APC2: variants seen among roughly 807,000 people sequenced by gnomAD.
APC2 encodes adenomatous polyposis coli protein 2.
APC2 carries 41 observed loss-of-function variants against 72.5 expected under a neutral mutation model. That is an observed-to-expected ratio of 0.57 (90% CI 0.44 to 0.73). APC2 has a LOEUF of 0.73. APC2 is among the 30% of genes least tolerant of loss of function. The pLI, the probability that APC2 is intolerant of heterozygous loss-of-function variation, is 0.00. For missense variants in APC2, 3,729 were observed against 3,403.4 expected, an observed-to-expected ratio of 1.10 and a Z score of -2.38; for synonymous variants, 1,898 against 1,612.0, an observed-to-expected ratio of 1.18 and a Z score of -4.25.
At chr19:1,455,604 C>T in intron 6 of APC2, 104 bp downstream of exon 6, 1 of 1,120,848 alleles carries the variant, frequency 8.9e-7, no homozygotes, top group Non-Finnish European at 1.3e-6. Context: ...TGGGAGGAGT[C>T]TTATGCCTCC....
At chr19:1,460,607 CCT>C (rs138786019) in intron 11 of APC2, among the ~76,000 whole-genome samples, 171 bp from the exon 12 acceptor site, 1,663 of 152,358 alleles carry the variant, frequency 0.011, 24 homozygotes, top group African/African-American at 0.038. Context: ...GGTGTCTGCC[CCT>C]GTCTGGGCCT....
In APC2 at chr19:1,465,638, C is replaced by G. The variant is rs1416374774; in HGVS notation, c.2337C>G (p.Asp779Glu). 1 of 1,603,346 alleles carries G rather than the reference C, an allele frequency of 6.2e-7. No individual in the cohort carries two copies. The highest frequency in any genetic ancestry group is 8.5e-7 in the Non-Finnish European group (1 of 1,175,968). Residue 779 changes from aspartate to glutamate, a missense_variant, in exon 15 of 15, where the codon GAC becomes GAG. Transcript: ENST00000590469. ...QDYASDSGCF[D>E]DDDAPSSLAA... is the part of the protein sequence containing the mutation. ...ATGCTTCCGATTCGGGCTGCTTTGA[C>G]GACGACGATGCACCGTCATCCCTGG...
At chr19:1,446,675 G>A (rs1439760530), upstream of APC2, among the ~76,000 whole-genome samples, 1 of 152,132 alleles carries the variant, frequency 6.6e-6, no homozygotes, top group Non-Finnish European at 1.5e-5. The surrounding 1 kb of genome is among the most constrained non-coding windows in gnomAD (Gnocchi z 6.1). Flanking sequence ...TGCGCCAGCT[G>A]GGGCGGCGGG....
intron 10 of APC2, among the ~76,000 whole-genome samples, chr19:1,459,439 C>T (rs997907165): frequency 7.9e-5 from 12 of 152,214 alleles, no homozygotes; most frequent in African/African-American, 2.9e-4. Context: ...TGGGCTGACC[C>T]ACTTGTCCTC....
At chr19:1,465,101 G>T in intron 14 of APC2, 54 bp from the exon 15 acceptor site, 1 of 1,547,228 alleles carries the variant, frequency 6.5e-7, no homozygotes, top group Non-Finnish European at 8.7e-7. Context: ...CCCATCCTTC[G>T]GTGGGCAGGG....
intron 9 of APC2, 111 bp downstream of exon 9, chr19:1,457,354 G>A: frequency 2.1e-6 from 3 of 1,405,474 alleles, no homozygotes; most frequent in East Asian, 2.8e-5. Context: ...TCTGGCGTTG[G>A]AGGCTGCAGT....
rs780018629 is a variant in APC2, at chr19:1,455,387, T to C, written c.526T>C (p.Phe176Leu). The stretch of plus-strand genomic sequence containing the variant: ...CCCGCCCGCCTGCCTTTGCCAGCAG[T>C]TCTCGATGCAGATGGACCTGATCCG... Reference protein sequence around the residue: ...LDELPHVETQFSMQMDLIRQQ... With the variant: ...LDELPHVETQLSMQMDLIRQQ... The change falls in exon 6 of 15, where the codon TTC becomes CTC. Residue 176 changes from phenylalanine (F) to leucine (L), a missense_variant. Transcript: ENST00000590469. 7.5e-6 allele frequency: 12 copies of C among 1,608,676 alleles called. No homozygotes were observed. The highest frequency in any genetic ancestry group is 1.0e-5 in the Non-Finnish European group (12 of 1,178,102).
At chr19:1,463,950 G>A (rs1442419178) in intron 14 of APC2, among the ~76,000 whole-genome samples, 4 of 151,584 alleles carry the variant, frequency 2.6e-5, no homozygotes, top group African/African-American at 7.3e-5. Flanking sequence ...CGAGGTGGGC[G>A]GATCACCTGA....
intron 5 of APC2, 26 bp from the exon 6 acceptor site, chr19:1,455,337 CTGGCCCGGGCGCCCCTCACCG>C: frequency 6.3e-7 from 1 of 1,595,716 alleles, no homozygotes; most frequent in Non-Finnish European, 8.5e-7. Context: ...GGAACGGGGC[CTGGCCCGGGCGCCCCTCACCG>C]TGGCCCGCCC....
At chr19:1,463,591 A>G (rs561554428) in intron 14 of APC2, among the ~76,000 whole-genome samples, 2 of 151,476 alleles carry the variant, frequency 1.3e-5, no homozygotes, top group South Asian at 4.2e-4. Flanking sequence ...CAAAAAAAAA[A>G]AAAAAAGAAA....
intron 10 of APC2, 80 bp from the exon 11 acceptor site, chr19:1,460,101 T>C: frequency 6.3e-7 from 1 of 1,586,810 alleles, no homozygotes; most frequent in South Asian, 1.1e-5. Flanking sequence ...GGAGGGCCTC[T>C]GGGCAAGGGA....
In APC2 at chr19:1,468,691, C is replaced by A; in HGVS notation, c.5390C>A (p.Pro1797His). Residue 1797 changes from proline (P) to histidine (H), a missense_variant, in exon 15 of 15, where the codon CCC becomes CAC. By Grantham distance (77) the Pro-to-His change is moderately conservative. Transcript: ENST00000590469. ...CGGGGACGAACAGTGATCTACGTCC[C>A]CAGCCCGGCACCCCGTGCCCAGCCC... Reference protein sequence around the residue: ...VLRGRTVIYVPSPAPRAQPKG... With the variant: ...VLRGRTVIYVHSPAPRAQPKG... 1 of 1,553,606 alleles carries A rather than the reference C, an allele frequency of 6.4e-7. No individual in the cohort carries two copies. Among genetic ancestry groups the A allele is most frequent in the Non-Finnish European group, 8.7e-7 (1 of 1,144,310 alleles).
intron 1 of APC2, among the ~76,000 whole-genome samples, chr19:1,450,693 C>T (rs1315700241): frequency 1.3e-5 from 2 of 152,204 alleles, no homozygotes; most frequent in Non-Finnish European, 1.5e-5. Context: ...CCCCTTTGGG[C>T]CTGGCTTCCC....
rs774226533 is a variant in APC2, at chr19:1,469,096, T to C, written c.5795T>C (p.Phe1932Ser). 1 of 1,461,146 alleles carries C rather than the reference T, an allele frequency of 6.8e-7. No homozygotes were observed. The highest frequency in any genetic ancestry group is 9.1e-7 in the Non-Finnish European group (1 of 1,100,880). 90.5% of individuals were successfully genotyped at this position (1,461,146 alleles called of 1,614,324 possible). A position where few individuals can be genotyped will look rare whatever the true frequency, so the allele number is the denominator to read the frequency against. Residue 1932 changes from phenylalanine to serine, a missense_variant, in exon 15 of 15, where the codon TTC (phenylalanine) becomes TCC (serine). Transcript: ENST00000590469. ...CAGAGATCGCCCGTGCGGATCCCGT[T>C]CATGCAGAGGCCGGCCCGGCGTGGG... ...KTQRSPVRIP[F>S]MQRPARRGPP...
chr19:1,466,557 G>C lies in APC2; in HGVS notation c.3256G>C (p.Glu1086Gln), dbSNP rs1004951978. Residue 1086 changes from glutamate to glutamine, a missense_variant, in exon 15 of 15, where the codon GAG becomes CAG. Glu to Gln is a conservative substitution (Grantham distance 29). Transcript: ENST00000590469. ...LSSAGRPGPS[E>Q]GGDLDDSDSS... ...CTCGGCCGGCCGCCCAGGCCCCAGC[G>C]AGGGTGGTGACCTGGATGACAGTGA... The C allele has an allele frequency of 6.3e-7, 1 of 1,581,802 alleles. No homozygotes were observed. The highest frequency in any genetic ancestry group is 8.5e-7 in the Non-Finnish European group (1 of 1,171,868).
intron 13 of APC2, 24 bp from the exon 14 acceptor site, chr19:1,461,939 G>A (rs367639199): frequency 1.3e-5 from 17 of 1,311,378 alleles, no homozygotes; most frequent in South Asian, 3.5e-5. Context: ...GCCCTGACCC[G>A]CCCCTCTCCC....
rs1252895977 is a variant in APC2, at chr19:1,467,205, C to T, written c.3904C>T (p.Pro1302Ser). The change falls in exon 15 of 15, where the codon CCC becomes TCC. Residue 1302 changes from proline (P) to serine (S), a missense_variant. Pro to Ser is a moderately conservative substitution (Grantham distance 74). Coordinates refer to ENST00000590469, the MANE Select transcript of APC2 (RefSeq NM_005883.3). ...GCTGCGGCTGCTGCCCTCGGCCTGC[C>T]CCGAGCGCGGCGGGGGCGCCGGGGG... ...VELRLLPSAC[P>S]ERGGGAGGAG... The T allele has an allele frequency of 2.1e-6, 3 of 1,430,528 alleles. No individual in the cohort carries two copies. Among genetic ancestry groups the T allele is most frequent in the Non-Finnish European group, 2.7e-6 (3 of 1,098,772 alleles). 88.6% of individuals were successfully genotyped at this position (1,430,528 alleles called of 1,614,324 possible). A position where few individuals can be genotyped will look rare whatever the true frequency, so the allele number is the denominator to read the frequency against.
In APC2 at chr19:1,457,975, C is replaced by T. The variant is rs1277419176; in HGVS notation, c.1218C>T (p.Pro406=). The change falls in exon 10 of 15, where the codon CCC becomes CCT. Residue 406 remains proline, a synonymous_variant. Coordinates refer to ENST00000590469, the MANE Select transcript of APC2 (RefSeq NM_005883.3). ...TCCCTGTGCCCACAGCCCCGATCCC[C>T]ATCGAGCCGCAGATCTGCCAGGCCA... is the stretch of plus-strand genomic sequence containing the variant. The part of the protein sequence containing the change: ...EGGGAGSAPI[P]IEPQICQATC... 1.9e-6 allele frequency: 3 copies of T among 1,557,668 alleles called. No homozygotes were observed. The highest frequency in any genetic ancestry group is 2.6e-6 in the Non-Finnish European group (3 of 1,150,364).
In APC2 at chr19:1,452,945, C is replaced by T. The variant is rs928993881; in HGVS notation, c.-18-39C>T. 10 of 1,599,096 alleles carry T rather than the reference C, an allele frequency of 6.3e-6. No homozygotes were observed. Among genetic ancestry groups the T allele is most frequent in the East Asian group, 2.2e-5 (1 of 44,708 alleles). ...TCCGGAAGGCATCACCGCGCCCTCC[C>T]CAGACCATCAGCTGAACCCTCTGAC... On this transcript the variant is annotated intron_variant, in intron 1 of 14. Coordinates refer to ENST00000590469, the MANE Select transcript of APC2 (RefSeq NM_005883.3). This position sits in a 1 kb window ranked among gnomAD's most constrained non-coding sequence, Gnocchi z 5.1.
Sources: gnomAD v4.1 joint callset for allele counts (sites outside exome capture counted in the v4.1 genomes callset) on GRCh38, gnomAD v4.1.1 for gene constraint, Gnocchi (gnomAD v3.1) non-coding constraint, MANE v1.5 for transcripts, NCBI Gene and HGNC (gene_info 2026-07-23, HGNC 2026-07-21) for gene names.